GULP1: variants seen among roughly 807,000 people sequenced by gnomAD.
GULP1 encodes the protein GULP PTB domain containing engulfment adaptor 1.
A neutral mutation model predicts 40.9 loss-of-function variants in GULP1; 19 were observed. The observed-to-expected ratio is 0.46, with a 90% confidence interval of 0.32 to 0.68. GULP1 has a LOEUF of 0.68. Ranked by LOEUF, GULP1 falls within the 30% of genes least tolerant of loss-of-function variation. The pLI is 0.03. For missense variants in GULP1, 312 were observed against 362.2 expected (o/e 0.86, Z 1.12); for synonymous variants, 119 against 117.6 (o/e 1.01, Z -0.08).
chr2:188,578,540 A>T (rs560507625), intron 9 of GULP1, among the ~76,000 whole-genome samples: 8 of 146,236 alleles, frequency 5.5e-5, no homozygotes, highest in South Asian at 4.1e-4. Flanking sequence ...TAAAATAAAA[A>T]AAAAAAAGAA....
chr2:188,503,578 G>A (rs2063635069), intron 4 of GULP1, among the ~76,000 whole-genome samples: 1 of 151,890 alleles, frequency 6.6e-6, no homozygotes, highest in Non-Finnish European at 1.5e-5. Flanking sequence ...TAAGATTTGT[G>A]TCAGGACACA....
intron 2 of GULP1, among the ~76,000 whole-genome samples, chr2:188,445,847 T>G (rs904085012): frequency 2.6e-5 from 4 of 152,198 alleles, no homozygotes; most frequent in African/African-American, 9.6e-5. Flanking sequence ...TGGATGCATT[T>G]TATAGATGGT....
At chr2:188,565,434 G>A (rs146331549) in intron 7 of GULP1, among the ~76,000 whole-genome samples, 186 of 151,986 alleles carry the variant, frequency 1.2e-3, no homozygotes, top group Middle Eastern at 0.01. Flanking sequence ...ATGAACACAC[G>A]AAACTGAGCA....
chr2:188,431,465 C>G (rs751807493), intron 2 of GULP1, among the ~76,000 whole-genome samples: 1 of 151,948 alleles, frequency 6.6e-6, no homozygotes, highest in African/African-American at 2.4e-5. Context: ...ATCTGAGAAA[C>G]TTAAAAGAAA....
At chr2:188,518,358 A>G (rs1186602191) in intron 4 of GULP1, among the ~76,000 whole-genome samples, 1 of 152,138 alleles carries the variant, frequency 6.6e-6, no homozygotes, top group East Asian at 1.9e-4. Flanking sequence ...CTGCATCATA[A>G]CATTATACCT....
At chr2:188,451,864 A>G (rs550096952) in intron 2 of GULP1, among the ~76,000 whole-genome samples, 40 of 152,302 alleles carry the variant, frequency 2.6e-4, no homozygotes, top group Non-Finnish European at 1.2e-4. Flanking sequence ...TATATCTGTC[A>G]TTAATATATA....
At chr2:188,356,538 C>T (rs969057953) in intron 1 of GULP1, among the ~76,000 whole-genome samples, 4 of 151,828 alleles carry the variant, frequency 2.6e-5, no homozygotes, top group Admixed American at 6.6e-5. Context: ...TTGAGAAGGA[C>T]ACACACACAC....
intron 7 of GULP1, among the ~76,000 whole-genome samples, chr2:188,563,726 A>G (rs1336991772): frequency 6.6e-6 from 1 of 151,844 alleles, no homozygotes; most frequent in East Asian, 1.9e-4. Flanking sequence ...TACCAATTAT[A>G]CATAAACCTT....
At chr2:188,471,762 G>A (rs1000726648) in intron 2 of GULP1, among the ~76,000 whole-genome samples, 1 of 152,008 alleles carries the variant, frequency 6.6e-6, no homozygotes, top group South Asian at 2.1e-4. Flanking sequence ...TATTATTTTT[G>A]ATTGTTTCAT....
At chr2:188,338,963 T>A (rs1412987065) in intron 1 of GULP1, among the ~76,000 whole-genome samples, 1 of 152,228 alleles carries the variant, frequency 6.6e-6, no homozygotes, top group Non-Finnish European at 1.5e-5. Context: ...GTTAAGTTTT[T>A]CTTTTTTATT....
At chr2:188,489,524 T>A in intron 4 of GULP1, among the ~76,000 whole-genome samples, 1 of 152,162 alleles carries the variant, frequency 6.6e-6, no homozygotes, top group East Asian at 1.9e-4. Flanking sequence ...TTAATAATGC[T>A]AATATATATC....
intron 1 of GULP1, among the ~76,000 whole-genome samples, chr2:188,377,802 CCAATTTTCCTATTGTAATT>C (rs1267137797): frequency 6.6e-6 from 1 of 151,950 alleles, no homozygotes; most frequent in African/African-American, 2.4e-5. Flanking sequence ...AATATATACG[CCAATTTTCCTATTGTAATT>C]CAATTTTCCT....
In GULP1 at chr2:188,416,346, A is replaced by G. The variant is rs576202412; in HGVS notation, c.-45+32457A>G. Among the ~76,000 whole-genome samples the G allele has an allele frequency of 4.6e-5, 7 of 152,272 alleles. No individual in the cohort carries two copies. The South Asian group carries it at 1.4e-3, about 32-fold the overall frequency. ...ATGGTGATAGTTACACGACTTTGTAAGTATTCTAAAAATCATTGAATTGTA... is the reference window on the plus strand; with the variant it reads ...ATGGTGATAGTTACACGACTTTGTAGGTATTCTAAAAATCATTGAATTGTA... On this transcript the variant is annotated intron_variant, in intron 2 of 11. Coordinates refer to ENST00000409830, the MANE Select transcript of GULP1 (RefSeq NM_016315.4).
chr2:188,353,225 T>C (rs1476170936), intron 1 of GULP1, among the ~76,000 whole-genome samples: 2 of 152,126 alleles, frequency 1.3e-5, no homozygotes, highest in African/African-American at 4.8e-5. Flanking sequence ...AAATACTAAA[T>C]AAAAAATGAA....
intron 7 of GULP1, among the ~76,000 whole-genome samples, chr2:188,546,471 C>A (rs910664634): frequency 1.1e-4 from 17 of 151,982 alleles, no homozygotes; most frequent in Non-Finnish European, 2.2e-4. Context: ...ATATTCCATA[C>A]ATTAAATAGC....
At chr2:188,506,936 A>G (rs968900873) in intron 4 of GULP1, among the ~76,000 whole-genome samples, 11 of 151,996 alleles carry the variant, frequency 7.2e-5, no homozygotes, top group African/African-American at 2.7e-4. Flanking sequence ...TCTCCCAGAA[A>G]GTGTGTTTAC....
chr2:188,407,070 G>C (rs954548284), intron 2 of GULP1, among the ~76,000 whole-genome samples: 1 of 152,156 alleles, frequency 6.6e-6, no homozygotes, highest in Non-Finnish European at 1.5e-5. Flanking sequence ...CTCAGCAGGG[G>C]CATTCCAGGC....
At chr2:188,537,152 A>AT (rs1368652108) in intron 6 of GULP1, among the ~76,000 whole-genome samples, 2 of 151,700 alleles carry the variant, frequency 1.3e-5, no homozygotes, top group Admixed American at 6.6e-5. Context: ...TTGACTTATT[A>AT]TTTTTTTATT....
At chr2:188,462,339 T>C (rs2059776136) in intron 2 of GULP1, among the ~76,000 whole-genome samples, 1 of 152,216 alleles carries the variant, frequency 6.6e-6, no homozygotes, top group South Asian at 2.1e-4. Flanking sequence ...TTTTGTGACC[T>C]AACATATGGT....
Sources: gnomAD v4.1 joint callset for allele counts (sites outside exome capture counted in the v4.1 genomes callset) on GRCh38, gnomAD v4.1.1 for gene constraint, MANE v1.5 for transcripts, NCBI Gene and HGNC (gene_info 2026-07-23, HGNC 2026-07-21) for gene names.